ENPEP: variants seen among roughly 807,000 people sequenced by gnomAD.
The protein encoded by ENPEP is glutamyl aminopeptidase.
Under a neutral mutation model 114.5 loss-of-function variants are expected in ENPEP, and 103 were observed. That is an observed-to-expected ratio of 0.90 (90% confidence interval 0.77 to 1.06). The LOEUF (loss-of-function observed/expected upper bound fraction) is 1.06. ENPEP is among the 50% of genes least tolerant of loss of function. The pLI is 0.00. For synonymous variants in ENPEP, 420 were observed against 422.0 expected (o/e 1.00, Z 0.06); for missense variants, 1,196 against 1,161.3 (o/e 1.03, Z -0.43).
rs1008848597 is a variant in ENPEP, at chr4:110,564,577, C to T, written c.*3019C>T. On this transcript the variant is annotated 3_prime_UTR_variant, in exon 20 of 20. Coordinates refer to ENST00000265162, the MANE Select transcript of ENPEP (RefSeq NM_001977.4). ...TATCTCCCCATCCCTACTTAAGACA[C>T]TAGTTTGAAGAATAAAATAAACTTT... 2.0e-5 allele frequency: 3 copies of T among 152,170 alleles called. No homozygotes were observed. The highest frequency in any genetic ancestry group is 4.4e-5 in the Non-Finnish European group (3 of 68,024). The allele number at this position is 152,170 out of a possible 1,614,324, so 9.4% of individuals were successfully genotyped here. A position where few individuals can be genotyped will look rare whatever the true frequency, so the allele number is the denominator to read the frequency against.
At chr4:110,484,910 G>A (rs1350422751) in intron 1 of ENPEP, among the ~76,000 whole-genome samples, 2 of 140,846 alleles carry the variant, frequency 1.4e-5, no homozygotes, top group Non-Finnish European at 3.2e-5. Context: ...AGATGTGTGT[G>A]GTGCGCGCAT....
At chr4:110,510,770 A>C (rs1168766583) in intron 6 of ENPEP, among the ~76,000 whole-genome samples, 1 of 152,240 alleles carries the variant, frequency 6.6e-6, no homozygotes, top group African/African-American at 2.4e-5. Flanking sequence ...AGATAACATA[A>C]ATTTAGTAGT....
intron 8 of ENPEP, among the ~76,000 whole-genome samples, chr4:110,517,403 T>C (rs1246561513): frequency 1.3e-5 from 2 of 152,222 alleles, no homozygotes; most frequent in Non-Finnish European, 2.9e-5. Context: ...ATAAAGAAGA[T>C]TCATTTTCAA....
At chr4:110,486,891 A>G (rs1463458229) in intron 1 of ENPEP, among the ~76,000 whole-genome samples, 1 of 152,150 alleles carries the variant, frequency 6.6e-6, no homozygotes, top group East Asian at 1.9e-4. Context: ...CTCCCCGAAC[A>G]TTTGGGGATC....
intron 6 of ENPEP, 50 bp downstream of exon 6, chr4:110,510,408 C>A: frequency 6.9e-7 from 1 of 1,450,268 alleles, no homozygotes; most frequent in Non-Finnish European, 9.7e-7. Context: ...TCATGCAAAG[C>A]AGATGGAAGC....
intron 3 of ENPEP, among the ~76,000 whole-genome samples, chr4:110,496,859 T>C (rs1167475473): frequency 6.6e-6 from 1 of 152,228 alleles, no homozygotes; most frequent in Non-Finnish European, 1.5e-5. Flanking sequence ...CTAACTTTGA[T>C]CACTTGGTTG....
chr4:110,540,586 T>A (rs1022485602), intron 11 of ENPEP, among the ~76,000 whole-genome samples: 15 of 152,170 alleles, frequency 9.9e-5, no homozygotes, highest in African/African-American at 3.6e-4. Context: ...AGTCCTTAAC[T>A]ACTGACTTCC....
intron 2 of ENPEP, 103 bp downstream of exon 2, chr4:110,488,785 A>G (rs1351992083): frequency 5.7e-6 from 8 of 1,415,914 alleles, no homozygotes; most frequent in Non-Finnish European, 6.6e-6. Flanking sequence ...TTCTAAAACT[A>G]AATGTGCACT....
At position 110,549,356 on chromosome 4, in the gene ENPEP, A is replaced by G; in HGVS notation, c.2162A>G (p.Gln721Arg). 1 of 1,612,908 alleles carries G rather than the reference A, an allele frequency of 6.2e-7. No homozygotes were observed. The highest frequency in any genetic ancestry group is 8.5e-7 in the Non-Finnish European group (1 of 1,179,174). Residue 721 changes from glutamine (Q) to arginine (R), a missense_variant, in exon 15 of 20, where the codon CAA becomes CGA. Transcript: ENST00000265162. ...ELYPMIEEYF[Q>R]GQVKPIADSL... is the part of the protein sequence containing the mutation. The stretch of plus-strand genomic sequence containing the variant: ...ATACTTTTATTTCAGGAATACTTCC[A>G]AGGTCAAGTGAAGCCTATTGCAGAT...
chr4:110,515,469 C>G, intron 8 of ENPEP, 27 bp downstream of exon 8: 1 of 1,503,440 alleles, frequency 6.7e-7, no homozygotes, highest in Non-Finnish European at 9.1e-7. Flanking sequence ...TTAGTGATAT[C>G]AAAATTAAAC....
intron 4 of ENPEP, among the ~76,000 whole-genome samples, chr4:110,508,259 C>A: frequency 1.8e-5 from 2 of 113,332 alleles, no homozygotes. Context: ...GTTACAATGC[C>A]AGTACTGACC....
At chr4:110,494,782 G>A (rs202079021) in intron 3 of ENPEP, among the ~76,000 whole-genome samples, 2 of 152,116 alleles carry the variant, frequency 1.3e-5, no homozygotes, top group East Asian at 3.8e-4. Flanking sequence ...TTGATTCAAT[G>A]CTAAACAGAG....
chr4:110,509,606 C>T, intron 4 of ENPEP, 47 bp from the exon 5 acceptor site: 1 of 1,569,610 alleles, frequency 6.4e-7, no homozygotes, highest in South Asian at 1.2e-5. Context: ...AAGCTATGAA[C>T]AAATGGAAAG....
chr4:110,497,866 A>G (rs77787067), intron 3 of ENPEP, among the ~76,000 whole-genome samples: 214 of 152,350 alleles, frequency 1.4e-3, no homozygotes, highest in African/African-American at 4.9e-3. Context: ...ATTCCTTTCA[A>G]CTAAGTACCC....
intron 11 of ENPEP, among the ~76,000 whole-genome samples, chr4:110,537,528 C>T (rs962443053): frequency 1.1e-4 from 17 of 152,210 alleles, no homozygotes; most frequent in Non-Finnish European, 2.9e-5. Flanking sequence ...ATTTTCACCA[C>T]TCTGCAGTTA....
chr4:110,480,604 T>G (rs1415879477), intron 1 of ENPEP, among the ~76,000 whole-genome samples: 1 of 152,234 alleles, frequency 6.6e-6, no homozygotes, highest in Non-Finnish European at 1.5e-5. Context: ...ACAACCACAA[T>G]GCAAACTAAA....
At chr4:110,536,989 C>A (rs1726658315) in intron 11 of ENPEP, among the ~76,000 whole-genome samples, 1 of 152,084 alleles carries the variant, frequency 6.6e-6, no homozygotes, top group South Asian at 2.1e-4. Context: ...ACTAAGTGTG[C>A]AATTGCCTTA....
intron 10 of ENPEP, among the ~76,000 whole-genome samples, chr4:110,530,697 G>T (rs957664146): frequency 3.3e-5 from 5 of 152,138 alleles, no homozygotes; most frequent in Admixed American, 6.5e-5. Flanking sequence ...TTAGGGGAGG[G>T]TATGAGAGGC....
intron 3 of ENPEP, among the ~76,000 whole-genome samples, chr4:110,502,592 G>A (rs955397776): frequency 6.6e-6 from 1 of 152,066 alleles, no homozygotes; most frequent in African/African-American, 2.4e-5. Flanking sequence ...CAGGTGTATG[G>A]CATTATTTCT....
Sources: gnomAD v4.1 joint callset for allele counts (sites outside exome capture counted in the v4.1 genomes callset) on GRCh38, gnomAD v4.1.1 for gene constraint, MANE v1.5 for transcripts, NCBI Gene and HGNC (gene_info 2026-07-23, HGNC 2026-07-21) for gene names.